The following KDM2A variants were observed in gnomAD, a reference collection of about 807,000 sequenced individuals.
KDM2A encodes lysine demethylase 2A.
A neutral mutation model predicts 137.3 loss-of-function variants in KDM2A; 3 were observed. The observed-to-expected ratio is 0.02, with a 90% CI of 0.01 to 0.06. The LOEUF (loss-of-function observed/expected upper bound fraction) is 0.06. Ranked by LOEUF, KDM2A falls within the 10% of genes least tolerant of loss-of-function variation. KDM2A has a pLI of 1.00. For synonymous variants in KDM2A, 512 were observed against 541.5 expected, an observed-to-expected ratio of 0.95 and a Z score of 0.76; for missense variants, 738 against 1,510.6, an observed-to-expected ratio of 0.49 and a Z score of 8.48.
In KDM2A at chr11:67,253,597, C is replaced by A. The variant is rs775548814; in HGVS notation, c.3077C>A (p.Pro1026Gln). ...CAAATTCGGGACTTGCTTACTCCACCGGCTGATAAACCAGGTATGCTCTGG... is the reference window on the plus strand; with the variant it reads ...CAAATTCGGGACTTGCTTACTCCACAGGCTGATAAACCAGGTATGCTCTGG... Reference protein sequence around the residue: ...DPQIRDLLTPPADKPGQDNRS... With the variant: ...DPQIRDLLTPQADKPGQDNRS... Residue 1026 changes from proline (P) to glutamine (Q), a missense_variant, in exon 19 of 21, where the codon CCG (proline) becomes CAG (glutamine). Coordinates refer to ENST00000529006, the MANE Select transcript of KDM2A (RefSeq NM_012308.3). 27 of 1,613,786 alleles carry A rather than the reference C, an allele frequency of 1.7e-5. No individual in the cohort carries two copies. The highest frequency in any genetic ancestry group is 2.3e-5 in the Non-Finnish European group (27 of 1,179,844).
chr11:67,185,106 G>A (rs1857174528), intron 5 of KDM2A, among the ~76,000 whole-genome samples: 1 of 152,184 alleles, frequency 6.6e-6, no homozygotes, highest in South Asian at 2.1e-4. Context: ...GGAATATGTG[G>A]AGGAAGTCAA....
intron 2 of KDM2A, among the ~76,000 whole-genome samples, chr11:67,172,647 TGTGG>T (rs1330081544): frequency 3.0e-5 from 4 of 133,894 alleles, no homozygotes; most frequent in Non-Finnish European, 6.8e-5. Context: ...TGTGTGTGTG[TGTGG>T]ATTCCTTATA....
intron 5 of KDM2A, among the ~76,000 whole-genome samples, chr11:67,184,367 C>T (rs1038390371): frequency 3.3e-5 from 5 of 151,656 alleles, no homozygotes; most frequent in African/African-American, 1.2e-4. Flanking sequence ...CGGTGGTTGA[C>T]GCCTGTAATC....
intron 5 of KDM2A, among the ~76,000 whole-genome samples, chr11:67,188,579 C>T (rs1273745592): frequency 1.3e-5 from 2 of 151,604 alleles, no homozygotes; most frequent in East Asian, 3.9e-4. Context: ...TTGCTTAAGC[C>T]CAGGAGTTTG....
At chr11:67,175,284 C>G (rs1469161868) in intron 2 of KDM2A, among the ~76,000 whole-genome samples, 1 of 152,134 alleles carries the variant, frequency 6.6e-6, no homozygotes, top group East Asian at 1.9e-4. Context: ...TTCACACAGG[C>G]CAGGTGTGGT....
intron 12 of KDM2A, among the ~76,000 whole-genome samples, chr11:67,241,785 T>C (rs1053336259): frequency 1.3e-5 from 2 of 152,194 alleles, no homozygotes; most frequent in African/African-American, 2.4e-5. Flanking sequence ...ACGAAAAGAT[T>C]TGGCCAGGTG....
chr11:67,134,657 G>A lies in KDM2A; in HGVS notation c.42+13299G>A, dbSNP rs146252890. 4.0e-3 allele frequency among the ~76,000 whole-genome samples: 608 copies of A among 150,508 alleles called. 1 individual carries two copies. The highest frequency in any genetic ancestry group is 0.013 in the African/African-American group (523 of 40,990). On this transcript the variant is annotated intron_variant, in intron 2 of 20. Coordinates refer to ENST00000529006, the MANE Select transcript of KDM2A (RefSeq NM_012308.3). The stretch of plus-strand genomic sequence containing the variant: ...GTAGCTGGGATTACAGGTATGCGTC[G>A]CCACGCCCAGCTAATTTTTATATTT...
At chr11:67,249,982 T>G in intron 16 of KDM2A, 104 bp from the exon 17 acceptor site, 1 of 955,656 alleles carries the variant, frequency 1.0e-6, no homozygotes, top group Non-Finnish European at 1.5e-6. Flanking sequence ...AACGTGACCT[T>G]TCTTCTCTCT....
chr11:67,212,969 A>G (rs1858037748), intron 6 of KDM2A, among the ~76,000 whole-genome samples: 1 of 152,162 alleles, frequency 6.6e-6, no homozygotes, highest in African/African-American at 2.4e-5. Context: ...AAGGAAAGAA[A>G]GGCATCCAGG....
At position 67,177,089 on chromosome 11, in the gene KDM2A, C is replaced by T. The variant is rs574777567; in HGVS notation, c.43-2990C>T. On this transcript the variant is annotated intron_variant, in intron 2 of 20. Coordinates refer to ENST00000529006, the MANE Select transcript of KDM2A (RefSeq NM_012308.3). ...CCTGGCCAACATGGCGAAACCCTGT[C>T]TCTACAAAAATACAAAAATTAGCCG... Among the ~76,000 whole-genome samples the T allele has an allele frequency of 1.8e-3, 281 of 152,148 alleles. 1 individual carries two copies. Among genetic ancestry groups the T allele is most frequent in the African/African-American group, 6.4e-3 (267 of 41,516 alleles).
At chr11:67,247,002 A>G (rs1859238209) in intron 15 of KDM2A, among the ~76,000 whole-genome samples, 1 of 132,742 alleles carries the variant, frequency 7.5e-6, no homozygotes, top group Non-Finnish European at 1.6e-5. Context: ...CAGTGGCACG[A>G]TTATACATTT....
At chr11:67,220,446 A>G (rs1453555030) in intron 10 of KDM2A, among the ~76,000 whole-genome samples, 1 of 152,190 alleles carries the variant, frequency 6.6e-6, no homozygotes, top group African/African-American at 2.4e-5. Flanking sequence ...AAATTCATGT[A>G]TCTTTTTCTA....
At chr11:67,237,933 T>C (rs1017055950) in intron 12 of KDM2A, among the ~76,000 whole-genome samples, 1 of 151,684 alleles carries the variant, frequency 6.6e-6, no homozygotes, top group African/African-American at 2.4e-5. Flanking sequence ...AAAAAAAAAA[T>C]TTATATCCTG....
intron 10 of KDM2A, among the ~76,000 whole-genome samples, chr11:67,226,238 C>T (rs1042012111): frequency 1.5e-4 from 22 of 151,652 alleles, no homozygotes; most frequent in Admixed American, 1.2e-3. Flanking sequence ...GCCTTGGTGA[C>T]AGAGCGAGAT....
At chr11:67,157,731 G>A (rs1466777421) in intron 2 of KDM2A, among the ~76,000 whole-genome samples, 1 of 139,514 alleles carries the variant, frequency 7.2e-6, no homozygotes, top group African/African-American at 2.7e-5. Context: ...GGCGACAAAA[G>A]CAAGACTCCG....
intron 5 of KDM2A, 68 bp from the exon 6 acceptor site, chr11:67,207,442 A>C (rs1857837546): frequency 8.1e-7 from 1 of 1,238,188 alleles, no homozygotes; most frequent in Non-Finnish European, 1.1e-6. Flanking sequence ...ACTTTTTAAA[A>C]AATATTCTTA....
At chr11:67,176,489 A>T (rs535964087) in intron 2 of KDM2A, among the ~76,000 whole-genome samples, 5 of 152,174 alleles carry the variant, frequency 3.3e-5, no homozygotes, top group Non-Finnish European at 7.3e-5. Context: ...GTATTCAATA[A>T]ATTTCAGCAA....
chr11:67,138,061 G>C (rs1856007141), intron 2 of KDM2A, among the ~76,000 whole-genome samples: 1 of 152,152 alleles, frequency 6.6e-6, no homozygotes, highest in African/African-American at 2.4e-5. Context: ...CTCCCAAAGT[G>C]CTGGGATTAC....
rs961156956 is a variant in KDM2A, at chr11:67,207,828, C to T, written c.486+140C>T. The T allele has an allele frequency of 2.8e-5, 16 of 564,740 alleles. No homozygotes were observed. In the African/African-American group the frequency reaches 2.9e-4, roughly 10 times the overall value. The allele number at this position is 564,740 out of a possible 1,614,324, so 35.0% of individuals were successfully genotyped here. A position where few individuals can be genotyped will look rare whatever the true frequency, so the allele number is the denominator to read the frequency against. On this transcript the variant is annotated intron_variant, in intron 6 of 20. Transcript: ENST00000529006. Reference sequence around the variant, plus strand: ...TCGCTTGAGCTGAGGAGTTTGAGAGCAGCCGGGGCAACATGGTGAAACCAC... The same window carrying T: ...TCGCTTGAGCTGAGGAGTTTGAGAGTAGCCGGGGCAACATGGTGAAACCAC...
Sources: gnomAD v4.1 joint callset for allele counts (sites outside exome capture counted in the v4.1 genomes callset) on GRCh38, gnomAD v4.1.1 for gene constraint, MANE v1.5 for transcripts, NCBI Gene and HGNC (gene_info 2026-07-23, HGNC 2026-07-21) for gene names.